Variants in LRP1B observed in about 807,000 individuals in gnomAD.
LRP1B encodes the protein LDL receptor related protein 1B.
In LRP1B, 217 loss-of-function variants were observed where a neutral mutation model predicts 556.6. The ratio of observed to expected loss-of-function variants is 0.39; its 90% confidence interval spans 0.35 to 0.44. The LOEUF (loss-of-function observed/expected upper bound fraction) is 0.44, where lower values mean the gene tolerates loss of function less well. Among genes scored for constraint, LRP1B ranks in the 20% least tolerant of loss-of-function variants. LRP1B has a pLI of 1.00. For missense variants in LRP1B, 5,053 were observed against 5,620.8 expected (o/e 0.90, Z 3.23); for synonymous variants, 2,047 against 1,865.8 (o/e 1.10, Z -2.50).
chr2:140,235,436 A>G (rs1311075971), intron 89 of LRP1B, among the ~76,000 whole-genome samples: 1 of 151,206 alleles, frequency 6.6e-6, no homozygotes. Context: ...TGAATGCTCT[A>G]TAAAATTCAT....
At chr2:141,140,971 C>T (rs982027452) in intron 7 of LRP1B, among the ~76,000 whole-genome samples, 6 of 152,014 alleles carry the variant, frequency 3.9e-5, no homozygotes, top group African/African-American at 9.7e-5. Flanking sequence ...GCTGGTCCTT[C>T]GAGGTAGAGG....
intron 2 of LRP1B, among the ~76,000 whole-genome samples, chr2:141,680,795 A>G (rs1451064099): frequency 6.6e-6 from 1 of 152,168 alleles, no homozygotes; most frequent in Non-Finnish European, 1.5e-5. Context: ...AATCTGCCTA[A>G]TTATTTATGA....
intron 27 of LRP1B, among the ~76,000 whole-genome samples, chr2:140,863,503 A>C (rs1045282365): frequency 6.6e-6 from 1 of 152,204 alleles, no homozygotes; most frequent in Non-Finnish European, 1.5e-5. Flanking sequence ...ACATCATTGG[A>C]ACCATTTATC....
chr2:141,078,596 A>C (rs898494789), intron 7 of LRP1B, among the ~76,000 whole-genome samples: 2 of 142,388 alleles, frequency 1.4e-5, no homozygotes, highest in Non-Finnish European at 3.1e-5. Context: ...GTGTAAGTGC[A>C]ACAGAAAAAG....
intron 1 of LRP1B, among the ~76,000 whole-genome samples, chr2:142,098,816 G>A (rs1706470284): frequency 6.6e-6 from 1 of 151,732 alleles, no homozygotes. Flanking sequence ...AATCTCAATG[G>A]ACTAAGCCAT....
rs79533561 is a variant in LRP1B, at chr2:140,957,651, T to C, written c.2888-5711A>G. Among the ~76,000 whole-genome samples, 232 of 151,668 alleles carry C rather than the reference T, an allele frequency of 1.5e-3. 3 individuals are homozygous for C. Among genetic ancestry groups the C allele is most frequent in the African/African-American group, 5.4e-3 (224 of 41,494 alleles). On this transcript the variant is annotated intron_variant, in intron 18 of 90. Transcript: ENST00000389484. ...CAGAAATAAAAGGGGTCCTAAAAAC[T>C]AGAATTGTGAGTGAATGATATATAA...
intron 2 of LRP1B, among the ~76,000 whole-genome samples, chr2:141,634,445 G>T (rs1377964807): frequency 7.2e-5 from 11 of 151,740 alleles, no homozygotes; most frequent in South Asian, 2.1e-4. Flanking sequence ...TTTTGTAGAT[G>T]AAAAAAACAG....
intron 33 of LRP1B, among the ~76,000 whole-genome samples, chr2:140,774,437 T>C (rs936679315): frequency 6.6e-6 from 1 of 152,120 alleles, no homozygotes; most frequent in African/African-American, 2.4e-5. Flanking sequence ...AAAAACTTCA[T>C]TGGAATTATA....
intron 66 of LRP1B, among the ~76,000 whole-genome samples, chr2:140,407,681 CAT>C (rs1161331524): frequency 1.3e-5 from 2 of 151,810 alleles, no homozygotes; most frequent in Non-Finnish European, 3.0e-5. Flanking sequence ...AAAAATAGTA[CAT>C]GTTGCTGTGG....
chr2:141,673,683 C>A (rs558864544), intron 2 of LRP1B, among the ~76,000 whole-genome samples: 1 of 152,020 alleles, frequency 6.6e-6, no homozygotes, highest in Non-Finnish European at 1.5e-5. Context: ...AGATGAACTT[C>A]TATAATTGTG....
intron 1 of LRP1B, among the ~76,000 whole-genome samples, chr2:142,031,683 G>A (rs74269575): frequency 0.064 from 9,586 of 150,286 alleles, 395 homozygotes; most frequent in East Asian, 0.17. Flanking sequence ...CCCATTTCCC[G>A]CAGCTGCCTT....
At chr2:141,320,186 G>A (rs1687185094) in intron 3 of LRP1B, among the ~76,000 whole-genome samples, 1 of 151,958 alleles carries the variant, frequency 6.6e-6, no homozygotes, top group African/African-American at 2.4e-5. Context: ...GAAGTATAAT[G>A]CCCCAAAATA....
intron 7 of LRP1B, among the ~76,000 whole-genome samples, chr2:141,173,069 C>A (rs1049770360): frequency 8.0e-5 from 12 of 149,864 alleles, no homozygotes; most frequent in African/African-American, 7.4e-5. Flanking sequence ...AAAAAAAAAA[C>A]CCACACACTT....
chr2:140,603,237 G>C (rs770291959), intron 41 of LRP1B, among the ~76,000 whole-genome samples: 14 of 151,894 alleles, frequency 9.2e-5, no homozygotes, highest in African/African-American at 3.1e-4. Context: ...TAGAGATGAC[G>C]GAAGAAAAAT....
At chr2:141,369,805 C>T (rs1032619430) in intron 3 of LRP1B, among the ~76,000 whole-genome samples, 1 of 152,118 alleles carries the variant, frequency 6.6e-6, no homozygotes, top group East Asian at 1.9e-4. Context: ...CATGATTTAC[C>T]CTTCCAAGTC....
chr2:141,178,524 G>A (rs1011512524), intron 7 of LRP1B, among the ~76,000 whole-genome samples: 4 of 152,118 alleles, frequency 2.6e-5, no homozygotes, highest in Non-Finnish European at 5.9e-5. Context: ...AGGACTGCAA[G>A]TCAGCTGGAG....
intron 11 of LRP1B, among the ~76,000 whole-genome samples, chr2:141,034,247 G>A (rs559013732): frequency 3.3e-5 from 5 of 152,130 alleles, no homozygotes; most frequent in South Asian, 2.1e-4. Flanking sequence ...ATTTCTGATC[G>A]CTGATGGTAT....
chr2:142,029,712 T>C (rs758217594), intron 1 of LRP1B, among the ~76,000 whole-genome samples: 5 of 151,868 alleles, frequency 3.3e-5, no homozygotes, highest in Non-Finnish European at 7.4e-5. Flanking sequence ...TTTGTGCCTG[T>C]AGAAAGCCCA....
chr2:141,755,483 C>G (rs1230752728), intron 2 of LRP1B, among the ~76,000 whole-genome samples: 1 of 151,860 alleles, frequency 6.6e-6, no homozygotes, highest in Admixed American at 6.6e-5. Flanking sequence ...ATCATAATGG[C>G]AAAAATGAAA....
Sources: gnomAD v4.1 joint callset for allele counts (sites outside exome capture counted in the v4.1 genomes callset) on GRCh38, gnomAD v4.1.1 for gene constraint, MANE v1.5 for transcripts, NCBI Gene and HGNC (gene_info 2026-07-23, HGNC 2026-07-21) for gene names.